Variants in CTNNA3 observed in about 807,000 individuals in gnomAD.
CTNNA3 encodes the protein catenin alpha-3.
CTNNA3 carries 76 observed loss-of-function variants against 95.7 expected under a neutral mutation model. The observed-to-expected ratio is 0.79, with a 90% confidence interval of 0.66 to 0.96. The LOEUF is 0.96. Ranked by LOEUF, CTNNA3 falls within the 40% of genes least tolerant of loss-of-function variation. The pLI, the probability that CTNNA3 is intolerant of heterozygous loss-of-function variation, is 0.00. For missense variants in CTNNA3, 1,191 were observed against 1,089.8 expected, an observed-to-expected ratio of 1.09 and a Z score of -1.31; for synonymous variants, 431 against 374.4, an observed-to-expected ratio of 1.15 and a Z score of -1.74.
chr10:67,011,612 T>A (rs1852344242), intron 7 of CTNNA3, among the ~76,000 whole-genome samples: 1 of 152,176 alleles, frequency 6.6e-6, no homozygotes, highest in African/African-American at 2.4e-5. Flanking sequence ...CTAAAATTTT[T>A]AGTAGAATTT....
chr10:67,523,693 G>A (rs1840053221), intron 4 of CTNNA3, among the ~76,000 whole-genome samples: 1 of 152,054 alleles, frequency 6.6e-6, no homozygotes, highest in Non-Finnish European at 1.5e-5. Context: ...AGTCTGACGT[G>A]GAAACCAATT....
chr10:67,089,013 T>G (rs1247426728), intron 7 of CTNNA3, among the ~76,000 whole-genome samples: 1 of 152,076 alleles, frequency 6.6e-6, no homozygotes, highest in African/African-American at 2.4e-5. Context: ...TATTAGGTAT[T>G]ATGAGTAATC....
intron 9 of CTNNA3, among the ~76,000 whole-genome samples, chr10:66,751,204 G>T (rs559144854): frequency 6.6e-6 from 1 of 152,024 alleles, no homozygotes; most frequent in South Asian, 2.1e-4. Context: ...GGAGGCAGAG[G>T]TTGCAGTGAG....
chr10:66,425,370 C>T (rs2093230782), intron 11 of CTNNA3, among the ~76,000 whole-genome samples: 1 of 151,400 alleles, frequency 6.6e-6, no homozygotes, highest in African/African-American at 2.4e-5. Context: ...TTTTAGTGTT[C>T]TGTTTAGAAT....
At chr10:67,625,315 C>T (rs992645966) in intron 2 of CTNNA3, among the ~76,000 whole-genome samples, 2 of 152,182 alleles carry the variant, frequency 1.3e-5, no homozygotes, top group African/African-American at 4.8e-5. Context: ...GGTGCCCCTC[C>T]CTCCTCAATA....
chr10:67,222,015 A>C (rs897710962), intron 5 of CTNNA3, among the ~76,000 whole-genome samples: 24 of 152,142 alleles, frequency 1.6e-4, no homozygotes, highest in Non-Finnish European at 1.5e-5. Context: ...GGAGATAGAA[A>C]CTAGTAAAGG....
At chr10:67,568,752 T>C (rs929011295) in intron 3 of CTNNA3, among the ~76,000 whole-genome samples, 1 of 152,122 alleles carries the variant, frequency 6.6e-6, no homozygotes, top group Non-Finnish European at 1.5e-5. Flanking sequence ...GTCAGCTCCA[T>C]CTACTTGTTC....
chr10:65,939,027 C>A (rs2077387078), intron 17 of CTNNA3, among the ~76,000 whole-genome samples: 1 of 152,072 alleles, frequency 6.6e-6, no homozygotes, highest in Admixed American at 6.5e-5. Flanking sequence ...CTCAGCCTCC[C>A]AAGTAGCTGG....
intron 5 of CTNNA3, among the ~76,000 whole-genome samples, chr10:67,286,014 G>C (rs905147188): frequency 1.1e-4 from 17 of 152,108 alleles, no homozygotes; most frequent in Non-Finnish European, 2.1e-4. Context: ...GCTGCTTTGG[G>C]CTCTAGGCAT....
rs932800202 is a variant in CTNNA3, at chr10:66,852,260, T to C, written c.1048-76736A>G. 2.0e-5 allele frequency among the ~76,000 whole-genome samples: 3 copies of C among 152,252 alleles called. No individual in the cohort carries two copies. The East Asian group carries it at 5.8e-4, about 29-fold the overall frequency. ...TATTACTGAAATTCAATGGCTGACA[T>C]GGATATCAACTTGAATATAAACAAT... On this transcript the variant is annotated intron_variant, in intron 7 of 17. Transcript: ENST00000433211.
intron 1 of CTNNA3, among the ~76,000 whole-genome samples, chr10:67,654,972 AAACATTCATGATTTAT>A: frequency 6.6e-6 from 1 of 152,346 alleles, no homozygotes; most frequent in East Asian, 1.9e-4. Flanking sequence ...CAGAAATAAA[AAACATTCATGATTTAT>A]TAGTATATCT....
intron 11 of CTNNA3, among the ~76,000 whole-genome samples, chr10:66,440,281 T>C (rs904508750): frequency 6.6e-6 from 1 of 152,180 alleles, no homozygotes; most frequent in African/African-American, 2.4e-5. Context: ...CATATATATG[T>C]TTATTTATAT....
chr10:66,939,291 C>T (rs1431458278), intron 7 of CTNNA3, among the ~76,000 whole-genome samples: 3 of 152,150 alleles, frequency 2.0e-5, no homozygotes, highest in Non-Finnish European at 2.9e-5. Flanking sequence ...TATTCCTTTG[C>T]ACTACATTTC....
intron 9 of CTNNA3, among the ~76,000 whole-genome samples, chr10:66,651,764 G>C (rs921796292): frequency 6.6e-6 from 1 of 152,106 alleles, no homozygotes; most frequent in Non-Finnish European, 1.5e-5. Flanking sequence ...CCGAGTGCGG[G>C]GCCAGCCAAG....
At chr10:66,295,113 G>A (rs1168168836) in intron 12 of CTNNA3, among the ~76,000 whole-genome samples, 1 of 152,148 alleles carries the variant, frequency 6.6e-6, no homozygotes, top group Non-Finnish European at 1.5e-5. Context: ...CATGTTACAG[G>A]AATACCTGTA....
intron 9 of CTNNA3, among the ~76,000 whole-genome samples, chr10:66,674,581 A>G (rs532279396): frequency 6.6e-6 from 1 of 152,044 alleles, no homozygotes; most frequent in Non-Finnish European, 1.5e-5. Flanking sequence ...GAAGAAAAAA[A>G]AAACCTCCCA....
At chr10:66,089,074 G>A (rs1364646180) in intron 14 of CTNNA3, among the ~76,000 whole-genome samples, 1 of 151,558 alleles carries the variant, frequency 6.6e-6, no homozygotes, top group Non-Finnish European at 1.5e-5. Context: ...TTTTTATTTT[G>A]TATTCTCAGC....
intron 12 of CTNNA3, among the ~76,000 whole-genome samples, chr10:66,344,503 G>A (rs2132365540): frequency 6.6e-6 from 1 of 151,990 alleles, no homozygotes; most frequent in African/African-American, 2.4e-5. Context: ...CTGACCTCAG[G>A]TGATCCGTCG....
chr10:66,150,978 C>A (rs1185051270), intron 13 of CTNNA3, among the ~76,000 whole-genome samples: 1 of 151,924 alleles, frequency 6.6e-6, no homozygotes, highest in Non-Finnish European at 1.5e-5. Context: ...ATTATTAGGT[C>A]CTTGTCTAAT....
Sources: gnomAD v4.1 joint callset for allele counts (sites outside exome capture counted in the v4.1 genomes callset) on GRCh38, gnomAD v4.1.1 for gene constraint, MANE v1.5 for transcripts, NCBI Gene and HGNC (gene_info 2026-07-23, HGNC 2026-07-21) for gene names.